The following PKHD1L1 variants were observed in gnomAD, a reference collection of about 807,000 sequenced individuals.
PKHD1L1 encodes the protein PKHD1 like 1, also known as fibrocystin-L.
In PKHD1L1, 434 loss-of-function variants were observed where a neutral mutation model predicts 462.9. That is an observed-to-expected ratio of 0.94 (90% CI 0.87 to 1.02). The LOEUF is 1.02. PKHD1L1 is among the 50% of genes least tolerant of loss of function. PKHD1L1 has a pLI of 0.00. For missense variants in PKHD1L1, 5,202 were observed against 5,096.1 expected (o/e 1.02, Z -0.63); for synonymous variants, 1,781 against 1,750.0 (o/e 1.02, Z -0.44).
chr8:109,505,107 C>G (rs994298431), intron 68 of PKHD1L1, among the ~76,000 whole-genome samples: 1 of 152,004 alleles, frequency 6.6e-6, no homozygotes, highest in African/African-American at 2.4e-5. Context: ...CCAGGCTGGT[C>G]TTGAACTCCT....
chr8:109,452,813 A>G lies in PKHD1L1; in HGVS notation c.6603A>G (p.Thr2201=). ...AAGAAGGATCTCTTGTTGTTATTAC[A>G]AAAGGACAGACCATTCTGCTGGATC... ...PPEEGSLVVI[T]KGQTILLDQS... The change falls in exon 43 of 78, where the codon ACA becomes ACG. Residue 2201 remains threonine, a synonymous_variant. Coordinates refer to ENST00000378402, the MANE Select transcript of PKHD1L1 (RefSeq NM_177531.6). 6.5e-7 allele frequency: 1 copy of G among 1,537,974 alleles called. No individual in the cohort carries two copies. The highest frequency in any genetic ancestry group is 8.7e-7 in the Non-Finnish European group (1 of 1,144,962).
At chr8:109,488,192 T>C (rs1598751) in intron 59 of PKHD1L1, among the ~76,000 whole-genome samples, 6 of 151,876 alleles carry the variant, frequency 4.0e-5, no homozygotes, top group Non-Finnish European at 7.4e-5. Flanking sequence ...AAATGCTTGA[T>C]TTTTCCTCAT....
rs1818036534 is a variant in PKHD1L1, at chr8:109,477,282, A to C, written c.8975A>C (p.Asp2992Ala). The C allele has an allele frequency of 6.2e-7, 1 of 1,613,370 alleles. No homozygotes were observed. The highest frequency in any genetic ancestry group is 8.5e-7 in the Non-Finnish European group (1 of 1,179,612). The change falls in exon 53 of 78, where the codon GAT (aspartate) becomes GCT (alanine). Residue 2992 changes from aspartate (D) to alanine (A), a missense_variant. By Grantham distance (126) the Asp-to-Ala change is moderately radical. Around this residue, in one of 3 missense-constraint regions of PKHD1L1, gnomAD observed 4,497 missense variants for 4,336.8 expected, o/e 1.04. Transcript: ENST00000378402. ...SQLISGNLDP[D>A]VKDVVINFQA... Reference sequence around the variant, plus strand: ...CTCATTTCTGGGAACCTGGATCCTGATGTGAAAGACGTTGTTATTAATTTC... The same window carrying C: ...CTCATTTCTGGGAACCTGGATCCTGCTGTGAAAGACGTTGTTATTAATTTC...
intron 70 of PKHD1L1, among the ~76,000 whole-genome samples, chr8:109,510,557 G>T (rs117029430): frequency 8.5e-5 from 13 of 152,210 alleles, no homozygotes; most frequent in Non-Finnish European, 1.6e-4. Flanking sequence ...TGTAAAAGTA[G>T]GGTGATAGGA....
intron 2 of PKHD1L1, among the ~76,000 whole-genome samples, chr8:109,368,394 G>A (rs777425063): frequency 2.0e-5 from 3 of 152,142 alleles, no homozygotes; most frequent in Non-Finnish European, 4.4e-5. Context: ...CTGAGCCTTA[G>A]CTTACTCATC....
At chr8:109,459,880 GT>G (rs756018125) in intron 47 of PKHD1L1, 44 bp downstream of exon 47, 1 of 1,519,052 alleles carries the variant, frequency 6.6e-7, no homozygotes, top group South Asian at 1.4e-5. Context: ...ATGCCATATA[GT>G]TTTACAATTT....
chr8:109,425,167 T>G lies in PKHD1L1; in HGVS notation c.2780T>G (p.Ile927Ser), dbSNP rs552734296. Residue 927 changes from isoleucine to serine, a missense_variant, in exon 24 of 78, where the codon ATT (isoleucine) becomes AGT (serine). Around this residue, in one of 3 missense-constraint regions of PKHD1L1, gnomAD observed 4,497 missense variants for 4,336.8 expected, o/e 1.04. Transcript: ENST00000378402. ...GAGTCAAAAATTCATATTCAAAGAA[T>G]TCAAGCTGCATCTCCACCTCTAAGT... The part of the protein sequence containing the change: ...PGESKIHIQR[I>S]QAASPPLSGS... The G allele has an allele frequency of 4.4e-5, 71 of 1,610,498 alleles. No homozygotes were observed. The South Asian group carries it at 7.7e-4, about 18-fold the overall frequency.
At chr8:109,412,646 T>A (rs1813919845) in intron 20 of PKHD1L1, among the ~76,000 whole-genome samples, 1 of 152,034 alleles carries the variant, frequency 6.6e-6, no homozygotes, top group Non-Finnish European at 1.5e-5. Context: ...TGTATTATAT[T>A]TCTCTTTTAA....
chr8:109,473,393 G>A (rs1817823407), intron 50 of PKHD1L1, among the ~76,000 whole-genome samples: 1 of 151,980 alleles, frequency 6.6e-6, no homozygotes, highest in South Asian at 2.1e-4. Flanking sequence ...GCACATGCCT[G>A]TAATCCCAGC....
chr8:109,451,042 TCC>T lies in PKHD1L1; in HGVS notation c.6244_6245del (p.Pro2082ValfsTer17), dbSNP rs1203548621. On this transcript the variant is annotated frameshift_variant, in exon 41 of 78. Transcript: ENST00000378402. LOFTEE classifies it high-confidence loss of function. ...NGKDLSQSMT[P>X]FTYAVSLTPL... is the part of the protein sequence containing the mutation. ...GGAAAGATTTGTCACAGTCCATGAC[TCC>T]GTTTACGTACGCAGTGTCACTGACT... The T allele has an allele frequency of 1.2e-6, 2 of 1,613,750 alleles. No individual in the cohort carries two copies. The highest frequency in any genetic ancestry group is 1.7e-6 in the Non-Finnish European group (2 of 1,179,806).
In PKHD1L1 at chr8:109,404,648, A is replaced by G. The variant is rs1029475105; in HGVS notation, c.1468A>G (p.Thr490Ala). Reference protein sequence around the residue: ...QYRNVYTEQQTGDAVNEEQVI... With the variant: ...QYRNVYTEQQAGDAVNEEQVI... The stretch of plus-strand genomic sequence containing the variant: ...TCGAAATGTTTATACTGAACAACAA[A>G]CAGGAGATGCAGTGAATGAAGAACA... Residue 490 changes from threonine to alanine, a missense_variant, in exon 15 of 78, where the codon ACA becomes GCA. Thr to Ala is a moderately conservative substitution (Grantham distance 58). Coordinates refer to ENST00000378402, the MANE Select transcript of PKHD1L1 (RefSeq NM_177531.6). 1.2e-6 allele frequency: 2 copies of G among 1,608,500 alleles called. No individual in the cohort carries two copies. Among genetic ancestry groups the G allele is most frequent in the African/African-American group, 1.3e-5 (1 of 74,718 alleles).
intron 71 of PKHD1L1, among the ~76,000 whole-genome samples, chr8:109,511,261 G>A (rs1455395599): frequency 1.3e-5 from 2 of 152,032 alleles, no homozygotes; most frequent in African/African-American, 2.4e-5. Context: ...AGTCACACAT[G>A]TATATATGTG....
intron 4 of PKHD1L1, among the ~76,000 whole-genome samples, chr8:109,383,311 CATAATATATAATTAATATTATAT>C (rs1356589508): frequency 1.0e-5 from 1 of 97,604 alleles, no homozygotes; most frequent in Non-Finnish European, 1.9e-5. Context: ...TACAATTATA[CATAATATATAATTAATATTATAT>C]ATAATATATA....
chr8:109,442,338 TA>T lies in PKHD1L1; in HGVS notation c.4393+148del, dbSNP rs140416991. ...GGTATTTGGCATTTTATTGCTGCAGTAAAAATGTTACTAATGAGTGTAAGCA... is the reference window on the plus strand; with the variant it reads ...GGTATTTGGCATTTTATTGCTGCAGTAAAATGTTACTAATGAGTGTAAGCA... On this transcript the variant is annotated intron_variant, in intron 35 of 77. Transcript: ENST00000378402. 311 of 791,658 alleles carry T rather than the reference TA, an allele frequency of 3.9e-4. 3 individuals carry two copies. The East Asian group carries it at 8.6e-3, about 22-fold the overall frequency. The allele number at this position is 791,658 out of a possible 1,614,324, so 49.0% of individuals were successfully genotyped here.
rs768362912 is a variant in PKHD1L1 at position 109,523,327 on chromosome 8, C to A, written c.12425C>A (p.Thr4142Lys). 2 of 1,612,402 alleles carry A rather than the reference C, an allele frequency of 1.2e-6. No homozygotes were observed. The highest frequency in any genetic ancestry group is 2.7e-5 in the African/African-American group (2 of 74,634). Reference protein sequence around the residue: ...NNQVNGLSGNTTIPFSSCWAN... With the variant: ...NNQVNGLSGNKTIPFSSCWAN... ...CAAGTCAATGGCCTTAGTGGAAATA[C>A]AACAATTCCGTTTAGCAGCTGTTGG... The change falls in exon 76 of 78, where the codon ACA becomes AAA. Residue 4142 changes from threonine (T) to lysine (K), a missense_variant. Physicochemically the swap from Thr to Lys is moderately conservative, Grantham distance 78 (BLOSUM62 -1). Around this residue, in one of 3 missense-constraint regions of PKHD1L1, gnomAD observed 698 missense variants for 736.3 expected, o/e 0.95. Coordinates refer to ENST00000378402, the MANE Select transcript of PKHD1L1 (RefSeq NM_177531.6).
chr8:109,386,214 T>TTTG (rs1812434968), intron 6 of PKHD1L1, among the ~76,000 whole-genome samples: 1 of 152,234 alleles, frequency 6.6e-6, no homozygotes, highest in African/African-American at 2.4e-5. Flanking sequence ...AAAAAATAAT[T>TTTG]GTCCACATTT....
In PKHD1L1 at chr8:109,477,381, G is replaced by A. The variant is rs765388804; in HGVS notation, c.9074G>A (p.Arg3025Gln). ...TCAAGAAAACCAATTCCCAAGAAGC[G>A]ACCAGCCACATATAAGTACATAGGC... ...PPSRKPIPKKRPATYNLWSND... is the reference protein window; with the variant it reads ...PPSRKPIPKKQPATYNLWSND... The change falls in exon 53 of 78, where the codon CGA becomes CAA. Residue 3025 changes from arginine to glutamine, a missense_variant. Transcript: ENST00000378402. 8.7e-6 allele frequency: 14 copies of A among 1,612,838 alleles called. No homozygotes were observed. Among genetic ancestry groups the A allele is most frequent in the Non-Finnish European group, 1.1e-5 (13 of 1,179,426 alleles).
At chr8:109,388,262 C>T (rs1275111289) in intron 6 of PKHD1L1, among the ~76,000 whole-genome samples, 2 of 151,972 alleles carry the variant, frequency 1.3e-5, no homozygotes, top group African/African-American at 4.8e-5. Flanking sequence ...ATGTCAGCTC[C>T]CCAAGGGCAA....
intron 77 of PKHD1L1, among the ~76,000 whole-genome samples, 182 bp from the exon 78 acceptor site, chr8:109,529,898 A>G (rs1820988229): frequency 6.6e-6 from 1 of 152,122 alleles, no homozygotes; most frequent in Non-Finnish European, 1.5e-5. Context: ...TTGTATAAGC[A>G]CCACAATCTA....
Sources: gnomAD v4.1 joint callset for allele counts (sites outside exome capture counted in the v4.1 genomes callset) on GRCh38, gnomAD v4.1.1 for gene constraint, gnomAD v4.1.1 regional missense constraint, MANE v1.5 for transcripts, NCBI Gene and HGNC (gene_info 2026-07-23, HGNC 2026-07-21) for gene names.